IQSEC3: variants seen among roughly 807,000 people sequenced by gnomAD.
IQSEC3 encodes IQ motif and SEC7 domain-containing protein 3.
A neutral mutation model predicts 105.4 loss-of-function variants in IQSEC3; 50 were observed. The ratio of observed to expected loss-of-function variants is 0.47; its 90% confidence interval spans 0.38 to 0.60. IQSEC3 has a LOEUF of 0.60. IQSEC3 is among the 20% of genes least tolerant of loss of function. The pLI, the probability that IQSEC3 is intolerant of heterozygous loss-of-function variation, is 0.00. For missense variants in IQSEC3, 1,415 were observed against 1,630.0 expected (o/e 0.87, Z 2.27); for synonymous variants, 708 against 746.0 (o/e 0.95, Z 0.83).
intron 2 of IQSEC3, among the ~76,000 whole-genome samples, chr12:101,967 A>G (rs1349917149): frequency 1.3e-5 from 2 of 152,070 alleles, no homozygotes; most frequent in African/African-American, 4.8e-5. Flanking sequence ...AAGCTCCTCT[A>G]GTGGAATGTG....
intron 1 of IQSEC3, among the ~76,000 whole-genome samples, chr12:95,229 TCA>T (rs1337316279): frequency 6.6e-6 from 1 of 152,230 alleles, no homozygotes; most frequent in African/African-American, 2.4e-5. Context: ...CCACTCAGCC[TCA>T]GTTTTCTCAT....
At chr12:92,224 G>A (rs577848825) in intron 1 of IQSEC3, among the ~76,000 whole-genome samples, 18 of 152,312 alleles carry the variant, frequency 1.2e-4, no homozygotes, top group Non-Finnish European at 2.1e-4. Context: ...GATTCTGTAA[G>A]CTTCCCTCAA....
chr12:86,165 G>A (rs1380641296), intron 1 of IQSEC3, among the ~76,000 whole-genome samples: 1 of 152,216 alleles, frequency 6.6e-6, no homozygotes, highest in Non-Finnish European at 1.5e-5. Flanking sequence ...AGCTGCTGAA[G>A]GAGTTCAGAG....
chr12:109,992 C>T lies in IQSEC3; in HGVS notation c.623+10778C>T, dbSNP rs539499384. On this transcript the variant is annotated intron_variant, in intron 2 of 13. Transcript: ENST00000538872. ...AAGATGGACAGCTCTGTCGAAACAA[C>T]AAAGATTCAGCAACAACTTTTATCA... Among the ~76,000 whole-genome samples, 21 of 152,322 alleles carry T rather than the reference C, an allele frequency of 1.4e-4. No individual in the cohort carries two copies. In the South Asian group the frequency reaches 4.1e-3, roughly 30 times the overall value.
intron 2 of IQSEC3, chr12:106,679 T>C (rs1352682456): frequency 5.3e-5 from 8 of 152,278 alleles, no homozygotes; most frequent in Admixed American, 5.2e-4. Context: ...AAATATGTTC[T>C]TGTTTCATTT....
chr12:75,394 G>A lies in IQSEC3; in HGVS notation c.554+7958G>A, dbSNP rs563116291. ...TGGTAAGGAAAGGGGAGGGACACAG[G>A]GCACTTCCACTGACTGGTCATGGAA... On this transcript the variant is annotated intron_variant, in intron 1 of 13. Coordinates refer to ENST00000538872, the MANE Select transcript of IQSEC3 (RefSeq NM_001170738.2). Among the ~76,000 whole-genome samples the A allele has an allele frequency of 3.4e-3, 514 of 152,246 alleles. 2 individuals are homozygous for A. The highest frequency in any genetic ancestry group is 0.012 in the African/African-American group (491 of 41,476).
intron 1 of IQSEC3, among the ~76,000 whole-genome samples, chr12:70,059 C>T (rs1463317884): frequency 1.3e-5 from 2 of 152,246 alleles, no homozygotes; most frequent in African/African-American, 4.8e-5. Flanking sequence ...AGTGGGTCTT[C>T]CAATCATGGG....
chr12:102,808 A>C (rs1864471924), intron 2 of IQSEC3, among the ~76,000 whole-genome samples: 1 of 152,164 alleles, frequency 6.6e-6, no homozygotes, highest in Non-Finnish European at 1.5e-5. Context: ...GGCTGAAGGG[A>C]GGGCGTCAGC....
intron 2 of IQSEC3, among the ~76,000 whole-genome samples, chr12:112,582 C>G (rs909299863): frequency 3.9e-5 from 6 of 152,202 alleles, no homozygotes; most frequent in African/African-American, 1.4e-4. Context: ...TTCCACCACA[C>G]TGACCTAGAC....
chr12:121,611 G>A (rs1278344473), intron 2 of IQSEC3, among the ~76,000 whole-genome samples: 1 of 152,198 alleles, frequency 6.6e-6, no homozygotes, highest in East Asian at 1.9e-4. Flanking sequence ...CAGAAAGCCT[G>A]TCCATTTGGA....
At chr12:141,432 T>A (rs1866023030) in intron 5 of IQSEC3, 147 bp downstream of exon 5, 1 of 825,288 alleles carries the variant, frequency 1.2e-6, no homozygotes, top group Non-Finnish European at 1.9e-6. Flanking sequence ...AATCCCCTCT[T>A]TAGCCCATCA....
intron 2 of IQSEC3, among the ~76,000 whole-genome samples, chr12:122,738 G>A (rs117260294): frequency 0.033 from 5,047 of 152,290 alleles, 129 homozygotes; most frequent in Admixed American, 0.055. Flanking sequence ...CAACAACCCC[G>A]TTGTCATTGG....
At chr12:92,851 T>A (rs1864132399) in intron 1 of IQSEC3, among the ~76,000 whole-genome samples, 1 of 152,226 alleles carries the variant, frequency 6.6e-6, no homozygotes, top group Admixed American at 6.5e-5. Flanking sequence ...TGGTTCTTGC[T>A]GTATTGAGGA....
intron 2 of IQSEC3, among the ~76,000 whole-genome samples, chr12:102,052 G>A (rs140714693): frequency 3.9e-5 from 6 of 152,134 alleles, no homozygotes; most frequent in Non-Finnish European, 7.4e-5. Context: ...ATCTGGTATG[G>A]ACTCTGGAGC....
intron 1 of IQSEC3, among the ~76,000 whole-genome samples, chr12:74,018 G>C (rs1157030377): frequency 1.3e-5 from 2 of 152,378 alleles, no homozygotes; most frequent in South Asian, 2.1e-4. Flanking sequence ...AAAGAGATCT[G>C]AGTTATCACC....
At chr12:107,309 G>A (rs782782967) in intron 2 of IQSEC3, among the ~76,000 whole-genome samples, 2 of 151,488 alleles carry the variant, frequency 1.3e-5, no homozygotes, top group Non-Finnish European at 2.9e-5. Context: ...CAGCAGATAC[G>A]TTAGTCTCCC....
chr12:140,926 T>A, intron 4 of IQSEC3, 198 bp from the exon 5 acceptor site: 5 of 516,148 alleles, frequency 9.7e-6, no homozygotes, highest in Non-Finnish European at 1.7e-5. Context: ...TTTGCAGATC[T>A]CCCCTGTCCT....
At chr12:111,050 C>G (rs549628367) in intron 2 of IQSEC3, among the ~76,000 whole-genome samples, 1 of 152,302 alleles carries the variant, frequency 6.6e-6, no homozygotes, top group African/African-American at 2.4e-5. Flanking sequence ...TCGCCCTGTT[C>G]TGTTCTTCCT....
chr12:161,561 G>C (rs926917355), intron 7 of IQSEC3, among the ~76,000 whole-genome samples: 1 of 152,144 alleles, frequency 6.6e-6, no homozygotes, highest in African/African-American at 2.4e-5. Flanking sequence ...GGTGGAGCTG[G>C]GGGGTGAGAC....
Sources: gnomAD v4.1 joint callset for allele counts (sites outside exome capture counted in the v4.1 genomes callset) on GRCh38, gnomAD v4.1.1 for gene constraint, MANE v1.5 for transcripts, NCBI Gene and HGNC (gene_info 2026-07-23, HGNC 2026-07-21) for gene names.